The following SORCS3 variants were observed in gnomAD, a reference collection of about 807,000 sequenced individuals.
SORCS3 encodes sortilin related VPS10 domain containing receptor 3.
In SORCS3, 57 loss-of-function variants were observed where a neutral mutation model predicts 146.3. The ratio of observed to expected loss-of-function variants is 0.39; its 90% CI spans 0.31 to 0.49. SORCS3 has a LOEUF of 0.49. SORCS3 is among the 20% of genes least tolerant of loss of function. SORCS3 has a pLI of 0.92. For missense variants in SORCS3, 1,341 were observed against 1,575.5 expected, an observed-to-expected ratio of 0.85 and a Z score of 2.52; for synonymous variants, 653 against 618.5, an observed-to-expected ratio of 1.06 and a Z score of -0.83.
At chr10:104,877,283 T>G (rs2018586188) in intron 2 of SORCS3, among the ~76,000 whole-genome samples, 1 of 152,176 alleles carries the variant, frequency 6.6e-6, no homozygotes, top group African/African-American at 2.4e-5. Flanking sequence ...AATGTCTTTC[T>G]TTCCACCCTT....
At chr10:104,821,291 T>A (rs139844284) in intron 1 of SORCS3, among the ~76,000 whole-genome samples, 4 of 152,128 alleles carry the variant, frequency 2.6e-5, no homozygotes, top group Non-Finnish European at 1.5e-5. Flanking sequence ...CCAGAAAATA[T>A]AATGGGCCAC....
rs1200469246 is a variant in SORCS3, at chr10:104,928,701, C to T, written c.795+12769C>T. ...TGAGGGCCAAGTGTCCTGGGATCCT[C>T]GGGTCTGCCAGATGGCTCAGGGGTG... is the stretch of plus-strand genomic sequence containing the variant. On this transcript the variant is annotated intron_variant, in intron 3 of 26. Coordinates refer to ENST00000369701, the MANE Select transcript of SORCS3 (RefSeq NM_014978.3). 5.3e-5 allele frequency among the ~76,000 whole-genome samples: 8 copies of T among 152,106 alleles called. No individual in the cohort carries two copies. In the East Asian group the frequency reaches 5.8e-4, roughly 11 times the overall value.
chr10:105,001,683 G>C (rs890291510), intron 4 of SORCS3, among the ~76,000 whole-genome samples: 4 of 152,182 alleles, frequency 2.6e-5, no homozygotes, highest in African/African-American at 7.2e-5. Flanking sequence ...AGATGGAAAG[G>C]AAGGATCAGT....
intron 17 of SORCS3, among the ~76,000 whole-genome samples, chr10:105,213,089 C>T (rs2056643695): frequency 6.6e-6 from 1 of 152,098 alleles, no homozygotes; most frequent in Non-Finnish European, 1.5e-5. Flanking sequence ...GGTGCGCTAC[C>T]ATATTGCCTA....
intron 8 of SORCS3, among the ~76,000 whole-genome samples, chr10:105,144,561 T>C (rs1250835420): frequency 6.6e-6 from 1 of 152,180 alleles, no homozygotes; most frequent in Non-Finnish European, 1.5e-5. Flanking sequence ...TCCCAAATTA[T>C]TGTCTTGGCA....
chr10:104,735,362 C>T (rs1277514137), intron 1 of SORCS3, among the ~76,000 whole-genome samples: 2 of 151,082 alleles, frequency 1.3e-5, no homozygotes, highest in East Asian at 1.9e-4. Flanking sequence ...GCCGGAGATG[C>T]GTCCTCAGCT....
At chr10:104,813,130 T>A (rs2017757949) in intron 1 of SORCS3, among the ~76,000 whole-genome samples, 1 of 152,204 alleles carries the variant, frequency 6.6e-6, no homozygotes, top group South Asian at 2.1e-4. Context: ...TCCCTGACTT[T>A]CCTTTGGTCT....
intron 1 of SORCS3, among the ~76,000 whole-genome samples, chr10:104,837,850 C>T (rs1006358918): frequency 1.3e-5 from 2 of 152,130 alleles, no homozygotes; most frequent in East Asian, 1.9e-4. Flanking sequence ...TTGCCTTGCA[C>T]GGAAGCCCAC....
In SORCS3 at chr10:104,641,496, T is replaced by C; in HGVS notation, c.169T>C (p.Ser57Pro). Residue 57 changes from serine (S) to proline (P), a missense_variant, in exon 1 of 27, where the codon TCT becomes CCT. Physicochemically the swap from Ser to Pro is moderately conservative, Grantham distance 74. Transcript: ENST00000369701. The surrounding 1 kb of genome is among the most constrained non-coding windows in gnomAD (Gnocchi z 6.4). ...CCCGGCTTCGCGGCCACCGGCGTTGTCTCCACTCTCGCCGCGGGCAGTGGC... is the reference window on the plus strand; with the variant it reads ...CCCGGCTTCGCGGCCACCGGCGTTGCCTCCACTCTCGCCGCGGGCAGTGGC... Reference protein sequence around the residue: ...AAPASRPPALSPLSPRAVASQ... With the variant: ...AAPASRPPALPPLSPRAVASQ... 2 of 1,472,786 alleles carry C rather than the reference T, an allele frequency of 1.4e-6. No individual in the cohort carries two copies. The highest frequency in any genetic ancestry group is 1.5e-5 in the African/African-American group (1 of 68,084). The allele number at this position is 1,472,786 out of a possible 1,614,324, so 91.2% of individuals were successfully genotyped here.
At chr10:104,784,675 T>G (rs1489030365) in intron 1 of SORCS3, among the ~76,000 whole-genome samples, 5 of 152,226 alleles carry the variant, frequency 3.3e-5, no homozygotes, top group Admixed American at 2.6e-4. Flanking sequence ...CCCTTCTCAG[T>G]GCAGAGCGTC....
intron 14 of SORCS3, among the ~76,000 whole-genome samples, chr10:105,184,835 T>C (rs1426165282): frequency 1.3e-5 from 2 of 152,206 alleles, no homozygotes; most frequent in Non-Finnish European, 2.9e-5. Context: ...TAACATGAAT[T>C]CTGTCCTCTT....
intron 7 of SORCS3, among the ~76,000 whole-genome samples, chr10:105,127,424 G>A (rs1185523319): frequency 6.6e-6 from 1 of 152,092 alleles, no homozygotes; most frequent in African/African-American, 2.4e-5. Flanking sequence ...GAAGCTTTGA[G>A]CTTGGCTTTA....
chr10:105,214,665 C>T, intron 18 of SORCS3, 52 bp downstream of exon 18: 1 of 1,471,184 alleles, frequency 6.8e-7, no homozygotes, highest in South Asian at 1.4e-5. Context: ...AGACCATTCC[C>T]AGAAGGGAAG....
At chr10:105,016,136 TA>T (rs959730986) in intron 4 of SORCS3, among the ~76,000 whole-genome samples, 3 of 106,282 alleles carry the variant, frequency 2.8e-5, no homozygotes, top group African/African-American at 1.4e-4. Flanking sequence ...ATTATATAAA[TA>T]TATATATATA....
intron 2 of SORCS3, among the ~76,000 whole-genome samples, chr10:104,869,288 A>T (rs531520696): frequency 1.3e-5 from 2 of 152,306 alleles, no homozygotes; most frequent in South Asian, 4.1e-4. Flanking sequence ...AGAGTGTCCA[A>T]ACCAAGAGTG....
chr10:104,943,138 T>C (rs965116647), intron 3 of SORCS3, among the ~76,000 whole-genome samples: 1 of 148,676 alleles, frequency 6.7e-6, no homozygotes, highest in South Asian at 2.1e-4. Context: ...TATAAAATAT[T>C]TTTTTTTAAG....
At chr10:105,232,232 A>G (rs2056769689) in intron 20 of SORCS3, among the ~76,000 whole-genome samples, 1 of 152,118 alleles carries the variant, frequency 6.6e-6, no homozygotes, top group Non-Finnish European at 1.5e-5. Flanking sequence ...ATATAGTTCT[A>G]TTCAAATAAC....
intron 6 of SORCS3, among the ~76,000 whole-genome samples, chr10:105,091,340 C>G (rs2055703495): frequency 1.1e-5 from 1 of 88,142 alleles, no homozygotes; most frequent in Non-Finnish European, 2.4e-5. Flanking sequence ...TGCTTCCTTC[C>G]TTCGTTCCTT....
At chr10:105,037,601 C>G (rs576826828) in intron 4 of SORCS3, among the ~76,000 whole-genome samples, 2 of 152,102 alleles carry the variant, frequency 1.3e-5, no homozygotes, top group Non-Finnish European at 2.9e-5. Context: ...TGTGTCTTTA[C>G]GTAGGATTCC....
Sources: gnomAD v4.1 joint callset for allele counts (sites outside exome capture counted in the v4.1 genomes callset) on GRCh38, gnomAD v4.1.1 for gene constraint, Gnocchi (gnomAD v3.1) non-coding constraint, MANE v1.5 for transcripts, NCBI Gene and HGNC (gene_info 2026-07-23, HGNC 2026-07-21) for gene names.